The following PPP2R2B variants were observed in gnomAD, a reference collection of about 807,000 sequenced individuals.
PPP2R2B encodes the protein protein phosphatase 2 regulatory subunit Bbeta.
A neutral mutation model predicts 46.0 loss-of-function variants in PPP2R2B; 5 were observed. The ratio of observed to expected loss-of-function variants is 0.11; its 90% CI spans 0.06 to 0.23. The LOEUF (loss-of-function observed/expected upper bound fraction) is 0.23. PPP2R2B is among the 10% of genes least tolerant of loss of function. The probability of loss-of-function intolerance (pLI) is 1.00; values close to 1 mark genes in which losing one functional copy is unlikely to be tolerated. For missense variants in PPP2R2B, 367 were observed against 575.0 expected (o/e 0.64, Z 3.70); for synonymous variants, 215 against 206.7 (o/e 1.04, Z -0.34).
chr5:147,032,790 G>T (rs1332936691), intron 1 of PPP2R2B, among the ~76,000 whole-genome samples: 1 of 152,128 alleles, frequency 6.6e-6, no homozygotes, highest in Admixed American at 6.5e-5. Context: ...CCACAATTTT[G>T]CTATTGTAAA....
rs189930882 is a variant in PPP2R2B at position 146,822,737 on chromosome 5, C to T, written c.70+55265G>A. On this transcript the variant is annotated intron_variant, in intron 2 of 9. Coordinates refer to ENST00000394411, the MANE Select transcript of PPP2R2B (RefSeq NM_181675.4). ...AAAAGAGAGAAATCTTGATCTTGCT[C>T]ACTTCTTTATGACCAACACATGAAA... 2.5e-3 allele frequency among the ~76,000 whole-genome samples: 375 copies of T among 152,250 alleles called. 4 individuals are homozygous for T. Among genetic ancestry groups the T allele is most frequent in the African/African-American group, 8.5e-3 (354 of 41,560 alleles).
At chr5:146,815,861 A>C (rs1757902738) in intron 2 of PPP2R2B, among the ~76,000 whole-genome samples, 1 of 152,208 alleles carries the variant, frequency 6.6e-6, no homozygotes, top group African/African-American at 2.4e-5. Flanking sequence ...TATTACTTTG[A>C]GCTGAAAGCT....
In PPP2R2B at chr5:146,956,834, C is replaced by T. The variant is rs571261254; in HGVS notation, c.79+98831G>A. On this transcript the variant is annotated intron_variant, in intron 1 of 8. Transcript: ENST00000336640. ...CTGGTTTGCAGATGGCCATCTTTCACGTGTCCTTACATCTTTACATGGTGG... is the reference window on the plus strand; with the variant it reads ...CTGGTTTGCAGATGGCCATCTTTCATGTGTCCTTACATCTTTACATGGTGG... Among the ~76,000 whole-genome samples the T allele has an allele frequency of 1.1e-4, 16 of 152,280 alleles. No homozygotes were observed. The South Asian group carries it at 1.9e-3, about 18-fold the overall frequency.
intron 5 of PPP2R2B, among the ~76,000 whole-genome samples, chr5:146,688,169 T>C (rs1388114404): frequency 6.6e-6 from 1 of 152,126 alleles, no homozygotes; most frequent in Non-Finnish European, 1.5e-5. Flanking sequence ...GCAGGATATT[T>C]GAGAGCCTAG....
At chr5:146,795,148 A>G (rs773894968) in intron 2 of PPP2R2B, among the ~76,000 whole-genome samples, 1 of 152,136 alleles carries the variant, frequency 6.6e-6, no homozygotes, top group Admixed American at 6.6e-5. Flanking sequence ...TACCCACCTC[A>G]TAAGGACTGT....
intron 2 of PPP2R2B, among the ~76,000 whole-genome samples, chr5:146,840,755 T>C (rs1759587190): frequency 1.3e-5 from 2 of 152,208 alleles, no homozygotes; most frequent in South Asian, 4.1e-4. Context: ...ATATGTAGCA[T>C]AGAAATCAAA....
intron 3 of PPP2R2B, among the ~76,000 whole-genome samples, chr5:146,700,217 C>T (rs767260647): frequency 1.3e-4 from 20 of 152,056 alleles, no homozygotes; most frequent in Admixed American, 3.3e-4. Flanking sequence ...TCATGCTTCC[C>T]GAGTGCCCGG....
At chr5:146,746,585 T>A (rs1051635157) in intron 2 of PPP2R2B, among the ~76,000 whole-genome samples, 26 of 152,218 alleles carry the variant, frequency 1.7e-4, no homozygotes, top group African/African-American at 5.8e-4. Context: ...GACGACTCTG[T>A]CTGCTCCTCA....
intron 1 of PPP2R2B, among the ~76,000 whole-genome samples, chr5:146,911,440 G>C (rs897934763): frequency 6.6e-6 from 1 of 152,022 alleles, no homozygotes; most frequent in African/African-American, 2.4e-5. Context: ...CTGATTATTG[G>C]ATTACTTTCT....
At chr5:147,042,210 T>C (rs987025198) in intron 1 of PPP2R2B, among the ~76,000 whole-genome samples, 3 of 152,096 alleles carry the variant, frequency 2.0e-5, no homozygotes, top group African/African-American at 4.8e-5. Context: ...TCTGTAAAAT[T>C]GTTTTAACTA....
At chr5:146,718,394 A>C (rs1160915812) in intron 2 of PPP2R2B, among the ~76,000 whole-genome samples, 6 of 152,088 alleles carry the variant, frequency 3.9e-5, no homozygotes, top group Admixed American at 3.9e-4. Context: ...TCTTAAAAAA[A>C]AAAAAGTACG....
At chr5:147,006,861 A>G (rs1403124325) in intron 1 of PPP2R2B, among the ~76,000 whole-genome samples, 1 of 152,124 alleles carries the variant, frequency 6.6e-6, no homozygotes, top group Non-Finnish European at 1.5e-5. Context: ...ATTCAGGGAT[A>G]GTATGAGATG....
chr5:146,871,596 A>C (rs181641360), intron 2 of PPP2R2B, among the ~76,000 whole-genome samples: 3 of 152,344 alleles, frequency 2.0e-5, no homozygotes, highest in East Asian at 1.9e-4. Flanking sequence ...CTGTGGGATA[A>C]TGGAAAAGGC....
rs1020675547 is a variant in PPP2R2B at position 147,078,569 on chromosome 5, C to G, written c.50+2490G>C. 3.9e-5 allele frequency among the ~76,000 whole-genome samples: 6 copies of G among 152,052 alleles called. No individual in the cohort carries two copies. The East Asian group carries it at 1.2e-3, about 29-fold the overall frequency. ...TTGGGAGGCCAAGGCAGGCGGATCA[C>G]GAGGTCAGGAGTTCGAGACCATCCT... is the stretch of plus-strand genomic sequence containing the variant. On this transcript the variant is annotated intron_variant, in intron 2 of 10. Coordinates refer to the PPP2R2B transcript ENST00000394413.
intron 2 of PPP2R2B, among the ~76,000 whole-genome samples, chr5:146,873,761 C>T (rs1455063270): frequency 6.6e-6 from 1 of 152,196 alleles, no homozygotes; most frequent in Non-Finnish European, 1.5e-5. Flanking sequence ...CAGGCATACA[C>T]CACCATGGCT....
At position 146,811,244 on chromosome 5, in the gene PPP2R2B, C is replaced by T. The variant is rs544722080; in HGVS notation, c.70+66758G>A. 3.3e-5 allele frequency among the ~76,000 whole-genome samples: 5 copies of T among 152,248 alleles called. No individual in the cohort carries two copies. The South Asian group carries it at 8.3e-4, about 25-fold the overall frequency. ...TGATCTCTTGACCTTGTGATCTGTC[C>T]ACCTCGGCCTCTGAAAGTGCTGGGA... is the stretch of plus-strand genomic sequence containing the variant. On this transcript the variant is annotated intron_variant, in intron 2 of 9. Coordinates refer to ENST00000394411, the MANE Select transcript of PPP2R2B (RefSeq NM_181675.4).
chr5:146,824,939 T>C (rs1758481601), intron 2 of PPP2R2B, among the ~76,000 whole-genome samples: 1 of 152,130 alleles, frequency 6.6e-6, no homozygotes, highest in South Asian at 2.1e-4. Flanking sequence ...GCCAGGCTTG[T>C]CTTGAACTCC....
At chr5:146,774,496 T>C (rs565602511) in intron 2 of PPP2R2B, among the ~76,000 whole-genome samples, 1 of 151,450 alleles carries the variant, frequency 6.6e-6, no homozygotes, top group Admixed American at 6.6e-5. Flanking sequence ...TATTACTGAG[T>C]TTACAGAAAA....
chr5:146,810,986 T>A (rs1480496831), intron 2 of PPP2R2B, among the ~76,000 whole-genome samples: 3 of 151,522 alleles, frequency 2.0e-5, no homozygotes, highest in Non-Finnish European at 4.4e-5. Context: ...TGGTTTTTTG[T>A]CCTTGTGATA....
Sources: gnomAD v4.1 joint callset for allele counts (sites outside exome capture counted in the v4.1 genomes callset) on GRCh38, gnomAD v4.1.1 for gene constraint, MANE v1.5 for transcripts, NCBI Gene and HGNC (gene_info 2026-07-23, HGNC 2026-07-21) for gene names.